The following CNBD1 variants were observed in gnomAD, a reference collection of about 807,000 sequenced individuals.
CNBD1 encodes cyclic nucleotide binding domain containing 1.
In CNBD1, 71 loss-of-function variants were observed where a neutral mutation model predicts 54.4. That is an observed-to-expected ratio of 1.30 (90% CI 1.08 to 1.59). CNBD1 has a LOEUF of 1.59. Among genes scored for constraint, CNBD1 ranks in the 40% most tolerant of loss-of-function variants. CNBD1 has a pLI of 0.00. For synonymous variants in CNBD1, 182 were observed against 170.7 expected (o/e 1.07, Z -0.51); for missense variants, 659 against 518.0 (o/e 1.27, Z -2.64).
intron 2 of CNBD1, among the ~76,000 whole-genome samples, chr8:86,896,226 A>G (rs867857375): frequency 1.4e-4 from 21 of 152,090 alleles, no homozygotes; most frequent in Admixed American, 9.2e-4. Flanking sequence ...TTTTTTAAAA[A>G]TTATTTTTAT....
chr8:86,963,315 C>T (rs1037009714), intron 4 of CNBD1, among the ~76,000 whole-genome samples: 1 of 152,080 alleles, frequency 6.6e-6, no homozygotes, highest in Non-Finnish European at 1.5e-5. Context: ...CATGATATTC[C>T]CATCCATGAA....
rs538629277 is a variant in CNBD1 at position 87,379,519 on chromosome 8, A to G, written c.1304-3101A>G. ...CAGCAAATGTAAAAGAACAGAATTTATAACAAACTATCTCTTGTTTGTTAA... is the reference window on the plus strand; with the variant it reads ...CAGCAAATGTAAAAGAACAGAATTTGTAACAAACTATCTCTTGTTTGTTAA... On this transcript the variant is annotated intron_variant, in intron 10 of 10. Coordinates refer to ENST00000518476, the MANE Select transcript of CNBD1 (RefSeq NM_173538.3). 3.3e-5 allele frequency among the ~76,000 whole-genome samples: 5 copies of G among 152,194 alleles called. No homozygotes were observed. The South Asian group carries it at 6.2e-4, about 19-fold the overall frequency.
intron 6 of CNBD1, among the ~76,000 whole-genome samples, chr8:87,266,208 C>T (rs949501979): frequency 2.6e-5 from 4 of 151,542 alleles, no homozygotes; most frequent in South Asian, 4.1e-4. Context: ...AAACAGGTTC[C>T]TTGTGGAACT....
At chr8:87,319,115 G>T (rs1387045621) in intron 8 of CNBD1, among the ~76,000 whole-genome samples, 2 of 152,024 alleles carry the variant, frequency 1.3e-5, no homozygotes, top group Non-Finnish European at 2.9e-5. Context: ...TAGGAGAGAA[G>T]TGGCCCCTCA....
chr8:87,220,566 T>C (rs1392248081), intron 5 of CNBD1, among the ~76,000 whole-genome samples: 1 of 151,608 alleles, frequency 6.6e-6, no homozygotes, highest in African/African-American at 2.4e-5. Context: ...AACTTTAATG[T>C]ATATGCTTCT....
intron 4 of CNBD1, among the ~76,000 whole-genome samples, chr8:87,037,442 C>G (rs1482799909): frequency 6.6e-6 from 1 of 152,046 alleles, no homozygotes; most frequent in Admixed American, 6.6e-5. Context: ...TTCAGAAACT[C>G]ATTAAGCATT....
At chr8:87,032,179 T>A (rs979301601) in intron 4 of CNBD1, among the ~76,000 whole-genome samples, 11 of 152,332 alleles carry the variant, frequency 7.2e-5, no homozygotes, top group East Asian at 5.8e-4. Flanking sequence ...GTCAGTTTTT[T>A]AAAATTTTAT....
At chr8:86,933,294 C>T (rs903659818) in intron 3 of CNBD1, among the ~76,000 whole-genome samples, 2 of 151,846 alleles carry the variant, frequency 1.3e-5, no homozygotes, top group Non-Finnish European at 2.9e-5. Flanking sequence ...AACAAAAAAC[C>T]GAACAAACTT....
At chr8:86,894,497 A>AT (rs1349752096) in intron 2 of CNBD1, among the ~76,000 whole-genome samples, 3 of 152,064 alleles carry the variant, frequency 2.0e-5, no homozygotes, top group Non-Finnish European at 2.9e-5. Flanking sequence ...ATATGTTGCA[A>AT]TTTTTAGCCG....
chr8:87,247,239 C>T (rs961883524), intron 6 of CNBD1, among the ~76,000 whole-genome samples: 1 of 152,140 alleles, frequency 6.6e-6, no homozygotes, highest in Non-Finnish European at 1.5e-5. Flanking sequence ...CGGACAAAGT[C>T]CATTCATCTG....
intron 1 of CNBD1, among the ~76,000 whole-genome samples, chr8:86,886,593 A>G (rs1808683667): frequency 6.6e-6 from 1 of 152,214 alleles, no homozygotes; most frequent in African/African-American, 2.4e-5. Context: ...AAAGGATCAC[A>G]AAATTTTTAT....
At chr8:87,112,002 C>A (rs1563473049) in intron 4 of CNBD1, among the ~76,000 whole-genome samples, 1 of 152,274 alleles carries the variant, frequency 6.6e-6, no homozygotes, top group Middle Eastern at 3.4e-3. Context: ...CCTCCGTCAC[C>A]AAGACCTCCC....
chr8:87,016,604 A>G (rs1249225913), intron 4 of CNBD1, among the ~76,000 whole-genome samples: 1 of 152,216 alleles, frequency 6.6e-6, no homozygotes, highest in Non-Finnish European at 1.5e-5. Flanking sequence ...GTAGATTAGT[A>G]TCATTCAGCT....
intron 4 of CNBD1, among the ~76,000 whole-genome samples, chr8:87,148,028 T>G (rs1259243571): frequency 6.6e-6 from 1 of 152,168 alleles, no homozygotes; most frequent in Non-Finnish European, 1.5e-5. Context: ...AATTAGAGTT[T>G]TTTAAAAAGT....
intron 10 of CNBD1, among the ~76,000 whole-genome samples, chr8:87,356,340 G>C (rs1287787669): frequency 6.6e-6 from 1 of 152,162 alleles, no homozygotes; most frequent in South Asian, 2.1e-4. Flanking sequence ...TTGCTAAATA[G>C]TTGTGAACAA....
At chr8:87,279,487 C>T (rs1004136893) in intron 6 of CNBD1, among the ~76,000 whole-genome samples, 7 of 151,220 alleles carry the variant, frequency 4.6e-5, no homozygotes, top group African/African-American at 1.7e-4. Flanking sequence ...TGTATGATTA[C>T]CCACCTTATT....
intron 4 of CNBD1, among the ~76,000 whole-genome samples, chr8:87,092,421 GTA>G: frequency 1.4e-5 from 2 of 138,724 alleles, no homozygotes; most frequent in African/African-American, 3.2e-5. Context: ...GTGTGTGTAT[GTA>G]TGTATGTATG....
At chr8:87,405,068 C>A (rs1246115307) in intron 2 of CNBD1, among the ~76,000 whole-genome samples, 1 of 151,942 alleles carries the variant, frequency 6.6e-6, no homozygotes, top group Non-Finnish European at 1.5e-5. Context: ...AAAAATAAAT[C>A]ATTTTCATTC....
rs185630607 is a variant in CNBD1, at chr8:86,896,934, A to G, written c.159-8147A>G. 2.8e-3 allele frequency among the ~76,000 whole-genome samples: 420 copies of G among 152,342 alleles called. 1 individual carries two copies. Among genetic ancestry groups the G allele is most frequent in the Admixed American group, 5.7e-3 (87 of 15,296 alleles). Reference sequence around the variant, plus strand: ...TCATCAAAAAAAATTAAAATGGCCAATAAATTCATGGAATACAAATTAAAC... The same window carrying G: ...TCATCAAAAAAAATTAAAATGGCCAGTAAATTCATGGAATACAAATTAAAC... On this transcript the variant is annotated intron_variant, in intron 2 of 10. Coordinates refer to ENST00000518476, the MANE Select transcript of CNBD1 (RefSeq NM_173538.3).
Sources: allele counts gnomAD v4.1 joint callset (sites outside exome capture counted in the v4.1 genomes callset), GRCh38; gene constraint gnomAD v4.1.1; transcripts MANE v1.5; gene names NCBI Gene and HGNC (gene_info 2026-07-23, HGNC 2026-07-21).